The following NKAIN2 variants were observed in gnomAD, a reference collection of about 807,000 sequenced individuals.
The protein encoded by NKAIN2 is sodium/potassium-transporting ATPase subunit beta-1-interacting protein 2.
A neutral mutation model predicts 32.6 loss-of-function variants in NKAIN2; 14 were observed. The ratio of observed to expected loss-of-function variants is 0.43; its 90% CI spans 0.28 to 0.67. NKAIN2 has a LOEUF of 0.67. NKAIN2 is among the 30% of genes least tolerant of loss of function. The probability of loss-of-function intolerance (pLI) is 0.17; values close to 1 mark genes in which losing one functional copy is unlikely to be tolerated. For synonymous variants in NKAIN2, 80 were observed against 87.2 expected, an observed-to-expected ratio of 0.92 and a Z score of 0.46; for missense variants, 198 against 258.3, an observed-to-expected ratio of 0.77 and a Z score of 1.60.
intron 1 of NKAIN2, among the ~76,000 whole-genome samples, chr6:123,938,238 A>G (rs1776614612): frequency 1.3e-5 from 2 of 151,430 alleles, no homozygotes; most frequent in African/African-American, 4.9e-5. Flanking sequence ...AGGGAAGGGC[A>G]GATGCCATGA....
chr6:124,583,049 A>C (rs1305948427), intron 3 of NKAIN2, among the ~76,000 whole-genome samples: 2 of 152,180 alleles, frequency 1.3e-5, no homozygotes, highest in Non-Finnish European at 2.9e-5. Context: ...CCTTCTTCTA[A>C]GAACTAGAAA....
intron 1 of NKAIN2, among the ~76,000 whole-genome samples, chr6:124,271,039 T>C (rs1794739488): frequency 6.6e-6 from 1 of 152,184 alleles, no homozygotes; most frequent in Non-Finnish European, 1.5e-5. Context: ...CCCCATGTTG[T>C]TCTCATGATA....
At chr6:124,184,613 T>C (rs1789615910) in intron 1 of NKAIN2, among the ~76,000 whole-genome samples, 1 of 152,180 alleles carries the variant, frequency 6.6e-6, no homozygotes, top group Admixed American at 6.5e-5. Flanking sequence ...AAGACTAAGC[T>C]AATGGATTCA....
intron 1 of NKAIN2, among the ~76,000 whole-genome samples, chr6:124,149,271 G>T (rs1177590316): frequency 6.6e-6 from 1 of 152,046 alleles, no homozygotes; most frequent in Non-Finnish European, 1.5e-5. Flanking sequence ...TTACTTTCTT[G>T]ATGGTACCAA....
rs569210493 is a variant in NKAIN2, at chr6:124,555,820, G to A, written c.274-102366G>A. ...TATGGACAAATATGCTCTTACTAGG[G>A]TAACAAAAACTTATCTTCTCTTTAG... is the stretch of plus-strand genomic sequence containing the variant. On this transcript the variant is annotated intron_variant, in intron 3 of 6. Coordinates refer to ENST00000368417, the MANE Select transcript of NKAIN2 (RefSeq NM_001040214.3). Among the ~76,000 whole-genome samples, 89 of 152,222 alleles carry A rather than the reference G, an allele frequency of 5.8e-4. 1 individual carries two copies. The highest frequency in any genetic ancestry group is 2.1e-3 in the African/African-American group (87 of 41,548).
At chr6:124,746,800 A>T (rs1305460821) in intron 4 of NKAIN2, among the ~76,000 whole-genome samples, 1 of 151,896 alleles carries the variant, frequency 6.6e-6, no homozygotes, top group Admixed American at 6.6e-5. Flanking sequence ...TCAATAAGCT[A>T]AGTGACCTAT....
intron 1 of NKAIN2, among the ~76,000 whole-genome samples, chr6:124,160,069 G>A (rs1462301817): frequency 6.6e-6 from 1 of 152,132 alleles, no homozygotes; most frequent in Non-Finnish European, 1.5e-5. Context: ...GAAGATGTGG[G>A]ATAAACCCTA....
chr6:124,372,005 T>C (rs1432835508), intron 3 of NKAIN2, among the ~76,000 whole-genome samples: 1 of 152,092 alleles, frequency 6.6e-6, no homozygotes. Context: ...GTATTTTCTC[T>C]TGACAACTGT....
intron 3 of NKAIN2, among the ~76,000 whole-genome samples, chr6:124,462,959 G>GA (rs1390128066): frequency 1.2e-4 from 19 of 152,138 alleles, no homozygotes; most frequent in African/African-American, 4.6e-4. Flanking sequence ...GCTTCACACT[G>GA]AACCTCTGAG....
chr6:124,257,418 T>C (rs903952455), intron 1 of NKAIN2, among the ~76,000 whole-genome samples: 1 of 152,216 alleles, frequency 6.6e-6, no homozygotes, highest in Non-Finnish European at 1.5e-5. Flanking sequence ...ATCTTTCAAC[T>C]CACCCAGAAC....
chr6:124,581,634 A>C (rs1409536421), intron 3 of NKAIN2, among the ~76,000 whole-genome samples: 3 of 152,166 alleles, frequency 2.0e-5, no homozygotes, highest in Non-Finnish European at 2.9e-5. Flanking sequence ...AAAATGTCAA[A>C]AAATATCAAA....
chr6:124,457,933 G>T (rs62437474), intron 3 of NKAIN2, among the ~76,000 whole-genome samples: 8,006 of 151,900 alleles, frequency 0.053, 284 homozygotes, highest in Non-Finnish European at 0.065. Context: ...TGTATGAAAG[G>T]TGCATGATAT....
chr6:124,000,265 C>T (rs146397744), intron 1 of NKAIN2, among the ~76,000 whole-genome samples: 4 of 152,016 alleles, frequency 2.6e-5, no homozygotes, highest in African/African-American at 9.6e-5. Flanking sequence ...TTAATTAAAA[C>T]AAAAAGTCCC....
chr6:124,282,307 T>C, intron 1 of NKAIN2: 1 of 330,128 alleles, frequency 3.0e-6, no homozygotes. Flanking sequence ...ATTTTTGTGT[T>C]TGTTTTCCAT....
intron 4 of NKAIN2, among the ~76,000 whole-genome samples, chr6:124,692,204 T>C (rs967611641): frequency 6.6e-6 from 1 of 152,198 alleles, no homozygotes; most frequent in African/African-American, 2.4e-5. Context: ...AATATTCCAC[T>C]ACTATTTTTT....
chr6:124,324,202 T>C (rs759576063), intron 2 of NKAIN2, among the ~76,000 whole-genome samples: 2 of 152,214 alleles, frequency 1.3e-5, no homozygotes, highest in Non-Finnish European at 2.9e-5. Context: ...TTGAGGATAA[T>C]TGGCATCTTT....
chr6:124,780,762 C>T (rs772375107), intron 4 of NKAIN2, among the ~76,000 whole-genome samples: 1 of 152,220 alleles, frequency 6.6e-6, no homozygotes, highest in Non-Finnish European at 1.5e-5. Context: ...CAGCAGTAAA[C>T]TGAAGACAAT....
At chr6:123,830,458 C>T (rs1418206733) in intron 1 of NKAIN2, among the ~76,000 whole-genome samples, 1 of 152,184 alleles carries the variant, frequency 6.6e-6, no homozygotes, top group Non-Finnish European at 1.5e-5. Context: ...CCTGTTTGAG[C>T]CTCACTGTCT....
chr6:124,382,255 C>T (rs992235977), intron 3 of NKAIN2, among the ~76,000 whole-genome samples: 1 of 151,280 alleles, frequency 6.6e-6, no homozygotes, highest in African/African-American at 2.5e-5. Flanking sequence ...TTGATGCACA[C>T]ATCCTTTCTG....
Sources: gnomAD v4.1 joint callset for allele counts (sites outside exome capture counted in the v4.1 genomes callset) on GRCh38, gnomAD v4.1.1 for gene constraint, MANE v1.5 for transcripts, NCBI Gene and HGNC (gene_info 2026-07-23, HGNC 2026-07-21) for gene names.